The following VPS13B variants were observed in gnomAD, a reference collection of about 807,000 sequenced individuals.
The protein encoded by VPS13B is vacuolar protein sorting 13 homolog B.
VPS13B carries 285 observed loss-of-function variants against 426.4 expected under a neutral mutation model. The ratio of observed to expected loss-of-function variants is 0.67; its 90% confidence interval spans 0.61 to 0.74. The LOEUF (loss-of-function observed/expected upper bound fraction) is 0.74, where lower values mean the gene tolerates loss of function less well. Among genes scored for constraint, VPS13B ranks in the 30% least tolerant of loss-of-function variants. The pLI, the probability that VPS13B is intolerant of heterozygous loss-of-function variation, is 0.00. For missense variants in VPS13B, 4,537 were observed against 4,782.6 expected (o/e 0.95, Z 1.51); for synonymous variants, 1,676 against 1,676.4 (o/e 1.00, Z 0.01).
chr8:99,836,911 AC>A (rs1815425673), intron 54 of VPS13B, among the ~76,000 whole-genome samples: 1 of 152,214 alleles, frequency 6.6e-6, no homozygotes, highest in Non-Finnish European at 1.5e-5. Flanking sequence ...CTCCAGAAGT[AC>A]CTTGGTCTAA....
intron 21 of VPS13B, among the ~76,000 whole-genome samples, chr8:99,421,808 A>G (rs1229945079): frequency 6.6e-6 from 1 of 151,758 alleles, no homozygotes; most frequent in Non-Finnish European, 1.5e-5. Context: ...CTCCCGAGCA[A>G]CTGGGACTAC....
chr8:99,472,100 T>C (rs1052796595), intron 24 of VPS13B, among the ~76,000 whole-genome samples: 1 of 152,062 alleles, frequency 6.6e-6, no homozygotes, highest in African/African-American at 2.4e-5. Flanking sequence ...TAGAGTGACA[T>C]GAAACAAAAA....
chr8:99,146,803 G>C (rs954995855), intron 13 of VPS13B, among the ~76,000 whole-genome samples: 56 of 152,054 alleles, frequency 3.7e-4, no homozygotes, highest in African/African-American at 1.3e-3. Context: ...GAACTCCTGG[G>C]CTCAAACAAT....
At chr8:99,013,603 C>T (rs1029719602) in intron 1 of VPS13B, among the ~76,000 whole-genome samples, 157 bp from the exon 2 acceptor site, 1 of 152,184 alleles carries the variant, frequency 6.6e-6, no homozygotes, top group African/African-American at 2.4e-5. Context: ...GTGAGGAAGT[C>T]GCAGCTGGAG....
At chr8:99,290,722 A>T (rs1819686027) in intron 19 of VPS13B, among the ~76,000 whole-genome samples, 1 of 152,082 alleles carries the variant, frequency 6.6e-6, no homozygotes. Flanking sequence ...ATGAATTCAC[A>T]TTGAAAGAAA....
intron 12 of VPS13B, 86 bp downstream of exon 12, chr8:99,136,838 G>C (rs1379269561): frequency 1.8e-5 from 23 of 1,258,304 alleles, no homozygotes; most frequent in Non-Finnish European, 4.6e-6. Flanking sequence ...TTGACTGGTT[G>C]TACTCTGCTA....
chr8:99,175,980 C>T (rs758815018), intron 16 of VPS13B, among the ~76,000 whole-genome samples: 2 of 152,120 alleles, frequency 1.3e-5, no homozygotes, highest in African/African-American at 2.4e-5. Context: ...TGTGTTGTAT[C>T]TGCTTAAAAT....
chr8:99,691,548 AG>A (rs1316110485), intron 35 of VPS13B, among the ~76,000 whole-genome samples: 1 of 152,102 alleles, frequency 6.6e-6, no homozygotes, highest in Non-Finnish European at 1.5e-5. Context: ...GAGTTTTGTT[AG>A]GCCTGATAAG....
intron 19 of VPS13B, among the ~76,000 whole-genome samples, chr8:99,310,249 C>T (rs1383763584): frequency 6.6e-6 from 1 of 152,142 alleles, no homozygotes; most frequent in Admixed American, 6.5e-5. Context: ...GAGGGCATCC[C>T]TGTCTTGTGC....
At chr8:99,702,513 C>G (rs564287380) in intron 36 of VPS13B, among the ~76,000 whole-genome samples, 1 of 152,206 alleles carries the variant, frequency 6.6e-6, no homozygotes, top group East Asian at 1.9e-4. Flanking sequence ...TATAGAATGA[C>G]TTCAGATAAA....
Position 99,859,485 on chromosome 8 carries a change from C to G in VPS13B, c.11044+5C>G, listed in dbSNP as rs764708878. On this transcript the variant is annotated splice_donor_5th_base_variant and intron_variant, in intron 57 of 61. Transcript: ENST00000357162. ...TTGTAAAGCACATCTCCAAAGGTAG[C>G]GGGTTCCGTTCCTTGTAATAATGCC... The G allele has an allele frequency of 1.2e-6, 2 of 1,611,412 alleles. No individual in the cohort carries two copies. The highest frequency in any genetic ancestry group is 4.5e-5 in the East Asian group (2 of 44,780).
chr8:99,032,175 T>G (rs1308680455), intron 2 of VPS13B, among the ~76,000 whole-genome samples: 2 of 152,222 alleles, frequency 1.3e-5, no homozygotes, highest in African/African-American at 4.8e-5. Flanking sequence ...CCCTTTATGC[T>G]GACATGTGGA....
chr8:99,256,519 G>A (rs932297435), intron 17 of VPS13B, among the ~76,000 whole-genome samples: 3 of 152,066 alleles, frequency 2.0e-5, no homozygotes, highest in Non-Finnish European at 2.9e-5. Context: ...CAATATACAA[G>A]GGTTCCGATT....
At chr8:99,224,127 AT>A (rs1316805850) in intron 17 of VPS13B, among the ~76,000 whole-genome samples, 1 of 152,170 alleles carries the variant, frequency 6.6e-6, no homozygotes, top group African/African-American at 2.4e-5. Flanking sequence ...CTTGAATGTG[AT>A]TTTTATTTGA....
At chr8:99,694,735 G>T (rs1174673478) in intron 35 of VPS13B, among the ~76,000 whole-genome samples, 1 of 151,612 alleles carries the variant, frequency 6.6e-6, no homozygotes. Flanking sequence ...CACAGCAAAA[G>T]AAACCACCAT....
intron 33 of VPS13B, among the ~76,000 whole-genome samples, chr8:99,640,862 A>G (rs778949487): frequency 2.6e-5 from 4 of 152,130 alleles, no homozygotes; most frequent in Non-Finnish European, 5.9e-5. Flanking sequence ...GCCATGAAAT[A>G]TTACTATTGG....
chr8:99,454,287 T>A (rs1437490219), intron 23 of VPS13B, among the ~76,000 whole-genome samples: 1 of 152,160 alleles, frequency 6.6e-6, no homozygotes, highest in East Asian at 1.9e-4. Flanking sequence ...TGTTCTCAAG[T>A]AATCCTCCTG....
intron 15 of VPS13B, among the ~76,000 whole-genome samples, chr8:99,161,883 C>G (rs1811677619): frequency 6.6e-6 from 1 of 151,974 alleles, no homozygotes; most frequent in Non-Finnish European, 1.5e-5. Flanking sequence ...CAGGTGTGCA[C>G]CACCACACCC....
chr8:99,747,602 A>T (rs1026565339), intron 39 of VPS13B, among the ~76,000 whole-genome samples: 1 of 152,098 alleles, frequency 6.6e-6, no homozygotes, highest in Non-Finnish European at 1.5e-5. Context: ...AAAAACCTTT[A>T]AAATATTGTA....
Sources: gnomAD v4.1 joint callset for allele counts (sites outside exome capture counted in the v4.1 genomes callset) on GRCh38, gnomAD v4.1.1 for gene constraint, MANE v1.5 for transcripts, NCBI Gene and HGNC (gene_info 2026-07-23, HGNC 2026-07-21) for gene names.